The following PAK4 variants were observed in gnomAD, a reference collection of about 807,000 sequenced individuals.
PAK4 encodes the protein p21 (RAC1) activated kinase 4, also known as serine/threonine-protein kinase PAK 4.
PAK4 carries 49 observed loss-of-function variants against 53.5 expected under a neutral mutation model. That is an observed-to-expected ratio of 0.92 (90% CI 0.73 to 1.16). PAK4 has a LOEUF of 1.16. PAK4 is among the 50% of genes most tolerant of loss of function. The pLI, the probability that PAK4 is intolerant of heterozygous loss-of-function variation, is 0.00. For missense variants in PAK4, 824 were observed against 850.7 expected, an observed-to-expected ratio of 0.97 and a Z score of 0.39; for synonymous variants, 376 against 375.6, an observed-to-expected ratio of 1.00 and a Z score of -0.01.
At chr19:39,165,303 C>T (rs1290173051) in intron 1 of PAK4, among the ~76,000 whole-genome samples, 2 of 146,930 alleles carry the variant, frequency 1.4e-5, no homozygotes, top group African/African-American at 5.0e-5. Context: ...GAGATCGAGA[C>T]CATCCTGCCT....
At chr19:39,144,806 A>G (rs2073973309) in intron 1 of PAK4, among the ~76,000 whole-genome samples, 1 of 152,100 alleles carries the variant, frequency 6.6e-6, no homozygotes, top group Non-Finnish European at 1.5e-5. Flanking sequence ...ACTTGTGCTC[A>G]TTGTAAAGAG....
At chr19:39,128,599 C>T (rs1839836445) in intron 1 of PAK4, among the ~76,000 whole-genome samples, 2 of 152,218 alleles carry the variant, frequency 1.3e-5, no homozygotes, top group South Asian at 2.1e-4. Context: ...TCCTTCAACA[C>T]GTTTGGCTAG....
At chr19:39,164,222 A>G (rs1170707306) in intron 1 of PAK4, among the ~76,000 whole-genome samples, 9 of 150,096 alleles carry the variant, frequency 6.0e-5, no homozygotes, top group Non-Finnish European at 3.0e-5. Context: ...GGTTGCAGTG[A>G]GCCAAGATCA....
chr19:39,148,591 A>G (rs965240631), intron 1 of PAK4, among the ~76,000 whole-genome samples: 1 of 145,416 alleles, frequency 6.9e-6, no homozygotes, highest in African/African-American at 2.6e-5. Flanking sequence ...AGTAGCTGGG[A>G]CTAGGGAGGC....
At chr19:39,153,180 G>T (rs2074121244) in intron 1 of PAK4, among the ~76,000 whole-genome samples, 1 of 152,164 alleles carries the variant, frequency 6.6e-6, no homozygotes, top group Non-Finnish European at 1.5e-5. Flanking sequence ...CCCTCCAGGT[G>T]AAGAAACAGA....
chr19:39,133,842 G>A lies in PAK4; in HGVS notation c.-23+7923G>A, dbSNP rs538414155. Among the ~76,000 whole-genome samples, 21 of 152,302 alleles carry A rather than the reference G, an allele frequency of 1.4e-4. No homozygotes were observed. In the East Asian group the frequency reaches 3.9e-3, roughly 28 times the overall value. ...CCACTCCCACACTTCACTCCCAGAG[G>A]CGGAAGGCGGCCGGTCTTCCTGGGC... On this transcript the variant is annotated intron_variant, in intron 1 of 8. Transcript: ENST00000358301.
chr19:39,175,543 T>C lies in PAK4; in HGVS notation c.1359+105T>C, dbSNP rs937636466. 1.0e-5 allele frequency: 13 copies of C among 1,268,294 alleles called. No homozygotes were observed. The highest frequency in any genetic ancestry group is 4.5e-5 in the Admixed American group (2 of 44,268). The allele number at this position is 1,268,294 out of a possible 1,614,324, so 78.6% of individuals were successfully genotyped here. ...GGGTAGGTGAGCTCTGACCCCCAGG[T>C]CTGTGTCTTGAGGAGCTGGGAACTT... On this transcript the variant is annotated intron_variant, in intron 6 of 8. Coordinates refer to ENST00000358301, the Ensembl canonical transcript of PAK4. This position sits in a 1 kb window ranked among gnomAD's most constrained non-coding sequence, Gnocchi z 4.7.
At chr19:39,153,793 G>A (rs985031890) in intron 1 of PAK4, among the ~76,000 whole-genome samples, 19 of 152,054 alleles carry the variant, frequency 1.2e-4, no homozygotes, top group Non-Finnish European at 2.4e-4. Flanking sequence ...ATGTTGGCCA[G>A]GCTGGTCTCG....
chr19:39,136,384 C>T (rs12611361), intron 1 of PAK4: 35,912 of 152,058 alleles, frequency 0.24, 4,510 homozygotes, highest in East Asian at 0.39. Context: ...TCCCTCTTCT[C>T]CTGCCACCAT....
chr19:39,133,288 C>A (rs1210005233), intron 1 of PAK4, among the ~76,000 whole-genome samples: 1 of 152,218 alleles, frequency 6.6e-6, no homozygotes, highest in Non-Finnish European at 1.5e-5. Flanking sequence ...TGCTCAAAGA[C>A]TGTTAGCTGC....
At position 39,178,480 on chromosome 19, in the gene PAK4, G is replaced by A. The variant is rs1321566055; in HGVS notation, c.1677G>A (p.Gln559=). ...GCCTGCTGGTGCGAGACCCTGCCCA[G>A]CGGGCCACGGCAGCCGAGCTGCTGA... Residue 559 remains glutamine, a synonymous_variant, in exon 9 of 9, where the codon CAG becomes CAA. Coordinates refer to ENST00000358301, the Ensembl canonical transcript of PAK4. This position sits in a 1 kb window ranked among gnomAD's most constrained non-coding sequence, Gnocchi z 4.4. 4.3e-6 allele frequency: 7 copies of A among 1,610,684 alleles called. No homozygotes were observed. Among genetic ancestry groups the A allele is most frequent in the Non-Finnish European group, 5.9e-6 (7 of 1,179,006 alleles).
intron 1 of PAK4, among the ~76,000 whole-genome samples, chr19:39,148,650 T>G (rs1389655473): frequency 6.6e-6 from 1 of 151,320 alleles, no homozygotes; most frequent in Non-Finnish European, 1.5e-5. Context: ...AGGCACAGGA[T>G]TTCACCATAT....
Position 39,175,065 on chromosome 19 carries a change from G to C in PAK4, c.1232+1G>C. On this transcript the variant is annotated splice_donor_variant, in intron 5 of 8. Coordinates refer to ENST00000358301, the Ensembl canonical transcript of PAK4. LOFTEE classifies it high-confidence loss of function. This position sits in a 1 kb window ranked among gnomAD's most constrained non-coding sequence, Gnocchi z 4.7. ...TCACCGACATCGTCACCCACACCAG[G>C]TATTTCTGGGGCCTCAGACCCCTCC... The C allele has an allele frequency of 1.2e-6, 2 of 1,605,976 alleles. No individual in the cohort carries two copies. Among genetic ancestry groups the C allele is most frequent in the Non-Finnish European group, 1.7e-6 (2 of 1,175,872 alleles).
intron 1 of PAK4, among the ~76,000 whole-genome samples, chr19:39,145,606 A>G (rs1281823198): frequency 6.6e-6 from 1 of 152,104 alleles, no homozygotes; most frequent in Non-Finnish European, 1.5e-5. Flanking sequence ...TTCCTAGGGC[A>G]CCACATAGGA....
intron 1 of PAK4, among the ~76,000 whole-genome samples, chr19:39,165,195 G>GATAATAATAATA (rs71169565): frequency 7.0e-5 from 9 of 128,436 alleles, no homozygotes; most frequent in African/African-American, 2.4e-4. Context: ...TGATGATGAT[G>GATAATAATAATA]ATAATAATAA....
intron 1 of PAK4, among the ~76,000 whole-genome samples, chr19:39,130,151 C>CGCAGGCAGAGGGGGG (rs2073675321): frequency 9.7e-6 from 1 of 102,762 alleles, no homozygotes. Flanking sequence ...GCAGAGGGGT[C>CGCAGGCAGAGGGGGG]AGGGTGGGGT....
chr19:39,163,236 C>T lies in PAK4; in HGVS notation c.-22-6296C>T, dbSNP rs538961637. 1.8e-4 allele frequency among the ~76,000 whole-genome samples: 28 copies of T among 152,148 alleles called. No individual in the cohort carries two copies. The South Asian group carries it at 4.6e-3, about 25-fold the overall frequency. ...CTGAGTGCAGGCTGGAGGCAGTGAG[C>T]GGTCTGGGTCCCCTTCCTGATTCGA... On this transcript the variant is annotated intron_variant, in intron 1 of 8. Coordinates refer to ENST00000358301, the Ensembl canonical transcript of PAK4.
At chr19:39,143,150 A>G (rs975999508) in intron 1 of PAK4, among the ~76,000 whole-genome samples, 4 of 151,988 alleles carry the variant, frequency 2.6e-5, no homozygotes, top group Non-Finnish European at 4.4e-5. Flanking sequence ...TTACTTGTAT[A>G]TTGTGTTCCC....
At chr19:39,176,561 C>T (rs2074608959) in intron 6 of PAK4, 29 bp from the exon 8 acceptor site, 4 of 1,613,240 alleles carry the variant, frequency 2.5e-6, no homozygotes, top group Non-Finnish European at 3.4e-6. Flanking sequence ...GCCAGCTCCT[C>T]TGACCCCACT....
Sources: gnomAD v4.1 joint callset for allele counts (sites outside exome capture counted in the v4.1 genomes callset) on GRCh38, gnomAD v4.1.1 for gene constraint, Gnocchi (gnomAD v3.1) non-coding constraint, MANE v1.5 for transcripts, NCBI Gene and HGNC (gene_info 2026-07-23, HGNC 2026-07-21) for gene names.